The following HNRNPK variants were observed in gnomAD, a reference collection of about 807,000 sequenced individuals.
The protein encoded by HNRNPK is dC-stretch binding protein.
Under a neutral mutation model 67.0 loss-of-function variants are expected in HNRNPK, and 7 were observed. The ratio of observed to expected loss-of-function variants is 0.10; its 90% CI spans 0.06 to 0.20. HNRNPK has a LOEUF of 0.20. HNRNPK is among the 10% of genes least tolerant of loss of function. HNRNPK has a pLI of 1.00. For missense variants in HNRNPK, 264 were observed against 606.5 expected (o/e 0.44, Z 5.93); for synonymous variants, 213 against 193.7 (o/e 1.10, Z -0.83).
At chr9:83,976,811 T>A in intron 5 of HNRNPK, 184 bp downstream of exon 5, 9 of 442,470 alleles carry the variant, frequency 2.0e-5, no homozygotes, top group Non-Finnish European at 2.4e-5. Flanking sequence ...CCCCCCACCC[T>A]GCTCAATCTG....
At chr9:83,971,163 C>T in intron 13 of HNRNPK, 110 bp downstream of exon 13, 2 of 877,256 alleles carry the variant, frequency 2.3e-6, no homozygotes, top group Non-Finnish European at 3.9e-6. Flanking sequence ...CAAAGTCCTC[C>T]TGTATCCTAT....
At chr9:83,972,775 G>C in intron 10 of HNRNPK, 69 bp downstream of exon 10, 1 of 1,217,194 alleles carries the variant, frequency 8.2e-7, no homozygotes, top group Non-Finnish European at 1.1e-6. Context: ...ATGCTCTGAA[G>C]CTACTTTTGC....
At chr9:83,977,665 A>C (rs1957133692) in intron 4 of HNRNPK, 24 bp downstream of exon 4, 1 of 1,469,086 alleles carries the variant, frequency 6.8e-7, no homozygotes, top group Admixed American at 1.8e-5. Flanking sequence ...ACCACCTTCA[A>C]ATTTTCAAGA....
intron 16 of HNRNPK, 170 bp from the exon 17 acceptor site, chr9:83,969,610 A>G: frequency 3.2e-6 from 2 of 627,492 alleles, no homozygotes; most frequent in South Asian, 1.9e-5. Context: ...AGTGTCAAGA[A>G]AAATGATGAG....
intron 16 of HNRNPK, 26 bp from the exon 17 acceptor site, chr9:83,969,466 C>T (rs751137069): frequency 7.9e-6 from 12 of 1,515,746 alleles, no homozygotes; most frequent in Admixed American, 3.9e-5. Context: ...AAAAAAAGTG[C>T]GAATTAGAAT....
At chr9:83,972,818 T>TGTA in intron 10 of HNRNPK, 26 bp downstream of exon 10, 1 of 1,548,240 alleles carries the variant, frequency 6.5e-7, no homozygotes, top group Admixed American at 1.9e-5. Context: ...TAAAATCAAA[T>TGTA]GTAAACAAAA....
intron 1 of HNRNPK, among the ~76,000 whole-genome samples, chr9:83,979,055 T>C (rs977632828): frequency 6.6e-6 from 1 of 152,226 alleles, no homozygotes; most frequent in Non-Finnish European, 1.5e-5. Context: ...TAGCGGATTA[T>C]TTTAAATTAG....
intron 7 of HNRNPK, 146 bp from the exon 8 acceptor site, chr9:83,974,119 A>G: frequency 1.8e-6 from 1 of 548,962 alleles, no homozygotes; most frequent in Non-Finnish European, 3.2e-6. Flanking sequence ...AAGACGATTC[A>G]AAACATAAAA....
In HNRNPK at chr9:83,978,383, A is replaced by C. The variant is rs1957170613; in HGVS notation, c.-38T>G. On this transcript the variant is annotated 5_prime_UTR_variant, in exon 2 of 17. Transcript: ENST00000376263. ...GCTTCTAGAACGTACCAGTTATTAT[A>C]TATCCTTGCAGAGCAGAACTGAAGC... is the stretch of plus-strand genomic sequence containing the variant. 3 of 1,477,606 alleles carry C rather than the reference A, an allele frequency of 2.0e-6. No individual in the cohort carries two copies. In the Admixed American group the frequency reaches 8.2e-5, roughly 40 times the overall value. The allele number at this position is 1,477,606 out of a possible 1,614,324, so 91.5% of individuals were successfully genotyped here.
chr9:83,973,595 T>C (rs1038698853), intron 8 of HNRNPK, among the ~76,000 whole-genome samples, 196 bp from the exon 9 acceptor site: 4 of 152,222 alleles, frequency 2.6e-5, no homozygotes, highest in African/African-American at 9.6e-5. Context: ...CTTAAAAAAC[T>C]ATTTTATTTT....
chr9:83,973,827 A>G (rs1228345375), intron 8 of HNRNPK, 75 bp downstream of exon 8: 2 of 1,104,726 alleles, frequency 1.8e-6, no homozygotes, highest in East Asian at 2.4e-5. Context: ...GGAAAAGCAC[A>G]CTATGTTAAA....
chr9:83,979,447 G>A (rs1282826206), intron 1 of HNRNPK, among the ~76,000 whole-genome samples: 1 of 152,254 alleles, frequency 6.6e-6, no homozygotes, highest in African/African-American at 2.4e-5. Flanking sequence ...GGGTCCTGCA[G>A]TCACTAGTCC....
intron 15 of HNRNPK, 85 bp from the exon 16 acceptor site, chr9:83,970,416 T>C (rs1470217725): frequency 2.8e-6 from 3 of 1,074,660 alleles, no homozygotes; most frequent in Non-Finnish European, 4.0e-6. Flanking sequence ...AAGTTATTAA[T>C]TTTATTCATT....
rs200285431 is a variant in HNRNPK at position 83,968,482 on chromosome 9, G to C, written c.*925C>G. On this transcript the variant is annotated 3_prime_UTR_variant, in exon 17 of 17. Transcript: ENST00000376263. Reference sequence around the variant, plus strand: ...CTAATAAAAATAATCAATTTTTTCAGCATTAGTCACTTCCATAACCAAGTG... The same window carrying C: ...CTAATAAAAATAATCAATTTTTTCACCATTAGTCACTTCCATAACCAAGTG... The C allele has an allele frequency of 3.3e-5, 5 of 152,402 alleles. No individual in the cohort carries two copies. In the East Asian group the frequency reaches 9.6e-4, roughly 29 times the overall value. 9.4% of individuals were successfully genotyped at this position (152,402 alleles called of 1,614,324 possible). A position where few individuals can be genotyped will look rare whatever the true frequency, so the allele number is the denominator to read the frequency against.
At chr9:83,973,828 CTA>C (rs1194162974) in intron 8 of HNRNPK, 72 bp downstream of exon 8, 3 of 1,117,276 alleles carry the variant, frequency 2.7e-6, no homozygotes, top group South Asian at 1.3e-5. Context: ...GAAAAGCACA[CTA>C]TGTTAAAAAT....
chr9:83,969,454 GAAA>G lies in HNRNPK; in HGVS notation c.1362-17_1362-15del. The G allele has an allele frequency of 2.6e-6, 4 of 1,548,278 alleles. No homozygotes were observed. The highest frequency in any genetic ancestry group is 2.6e-6 in the Non-Finnish European group (3 of 1,138,208). On this transcript the variant is annotated splice_polypyrimidine_tract_variant and intron_variant, in intron 16 of 16. Transcript: ENST00000376263. ...TACTGCTTCACACTATAAAAGAAAA[GAAA>G]AAAAAGTGCGAATTAGAATTTTTGC...
rs1363071731 is a variant in HNRNPK at position 83,968,670 on chromosome 9, G to C, written c.*737C>G. 1.3e-5 allele frequency: 2 copies of C among 152,518 alleles called. No individual in the cohort carries two copies. Among genetic ancestry groups the C allele is most frequent in the African/African-American group, 4.8e-5 (2 of 41,414 alleles). The allele number at this position is 152,518 out of a possible 1,614,324, so 9.4% of individuals were successfully genotyped here. A position where few individuals can be genotyped will look rare whatever the true frequency, so the allele number is the denominator to read the frequency against. On this transcript the variant is annotated 3_prime_UTR_variant, in exon 17 of 17. Coordinates refer to ENST00000376263, the MANE Select transcript of HNRNPK (RefSeq NM_031263.4). ...TGCAAAAACAAACAAAAAATCCCCAGCTTATTATAAGCATGAATATGTATG... is the reference window on the plus strand; with the variant it reads ...TGCAAAAACAAACAAAAAATCCCCACCTTATTATAAGCATGAATATGTATG...
intron 10 of HNRNPK, 146 bp from the exon 11 acceptor site, chr9:83,972,335 TA>T (rs1956887244): frequency 3.2e-6 from 2 of 626,536 alleles, no homozygotes; most frequent in South Asian, 2.4e-5. Flanking sequence ...ATGTCAACGC[TA>T]AAAGTAGCAA....
chr9:83,969,734 A>C (rs780307233), intron 16 of HNRNPK: 1 of 653,772 alleles, frequency 1.5e-6, no homozygotes, highest in South Asian at 1.5e-5. Context: ...ATTTTACAGC[A>C]CCAATCATTT....
Sources: allele counts gnomAD v4.1 joint callset (sites outside exome capture counted in the v4.1 genomes callset), GRCh38; gene constraint gnomAD v4.1.1; transcripts MANE v1.5; gene names NCBI Gene and HGNC (gene_info 2026-07-23, HGNC 2026-07-21).